Variants in TTC14 observed in about 807,000 individuals in gnomAD.
TTC14 encodes tetratricopeptide repeat protein 14.
In TTC14, 63 loss-of-function variants were observed where a neutral mutation model predicts 79.9. The ratio of observed to expected loss-of-function variants is 0.79; its 90% CI spans 0.64 to 0.97. The LOEUF (loss-of-function observed/expected upper bound fraction) is 0.97, where lower values mean the gene tolerates loss of function less well. Among genes scored for constraint, TTC14 ranks in the 50% least tolerant of loss-of-function variants. The pLI is 0.00. For missense variants in TTC14, 895 were observed against 894.0 expected (o/e 1.00, Z -0.01); for synonymous variants, 335 against 309.6 (o/e 1.08, Z -0.86).
Position 180,605,746 on chromosome 3 carries a change from A to G in TTC14, c.858-20A>G. 6.4e-7 allele frequency: 1 copy of G among 1,554,126 alleles called. No individual in the cohort carries two copies. The highest frequency in any genetic ancestry group is 1.2e-5 in the South Asian group (1 of 83,546). The stretch of plus-strand genomic sequence containing the variant: ...AAAATATTTGTGGTTTAACTTTTTA[A>G]TTTTTATTTTCTTTAATAGCAAAAA... On this transcript the variant is annotated intron_variant, in intron 6 of 11. Coordinates refer to ENST00000296015, the MANE Select transcript of TTC14 (RefSeq NM_133462.4).
At chr3:180,608,672 G>T (rs989853955) in intron 10 of TTC14, 29 bp from the exon 11 acceptor site, 2 of 1,476,412 alleles carry the variant, frequency 1.4e-6, no homozygotes, top group East Asian at 2.5e-5. Flanking sequence ...TTTAACGTGT[G>T]GTTTTTTTCG....
At chr3:180,613,873 AAAC>A (rs568155683), downstream of TTC14, 29 of 455,428 alleles carry the variant, frequency 6.4e-5, no homozygotes, top group African/African-American at 5.0e-4. Flanking sequence ...TTCTAAAACA[AAAC>A]AAAAAATAAT....
At position 180,604,998 on chromosome 3, in the gene TTC14, G is replaced by A; in HGVS notation, c.848G>A (p.Gly283Asp). 6.2e-7 allele frequency: 1 copy of A among 1,612,216 alleles called. No homozygotes were observed. Among genetic ancestry groups the A allele is most frequent in the South Asian group, 1.1e-5 (1 of 90,922 alleles). The part of the protein sequence containing the change: ...DESNPPSLMR[G>D]LQSKNFSEDD... ...TCTAATCCACCATCTTTAATGAGAG[G>A]CCTACAAAGGTATAGTACATCAGTA... is the stretch of plus-strand genomic sequence containing the variant. Residue 283 changes from glycine (G) to aspartate (D), a missense_variant, in exon 6 of 12, where the codon GGC (glycine) becomes GAC (aspartate). Transcript: ENST00000296015.
Position 180,610,026 on chromosome 3 carries a change from T to C in TTC14, c.1797T>C (p.Asp599=). The C allele has an allele frequency of 6.2e-7, 1 of 1,614,034 alleles. No homozygotes were observed. Among genetic ancestry groups the C allele is most frequent in the Non-Finnish European group, 8.5e-7 (1 of 1,179,948 alleles). The change falls in exon 12 of 12, where the codon GAT becomes GAC. Residue 599 remains aspartate (D), a synonymous_variant. Coordinates refer to ENST00000296015, the MANE Select transcript of TTC14 (RefSeq NM_133462.4). The stretch of plus-strand genomic sequence containing the variant: ...GAGGTAGGTCTGAAGATCCAAGAGA[T>C]TTTTATAACAGCTATAAAACCCAAG... ...DFGGRSEDPR[D]FYNSYKTQAG...
At chr3:180,609,400 T>C in intron 11 of TTC14, 1 of 1,210,116 alleles carries the variant, frequency 8.3e-7, no homozygotes, top group African/African-American at 1.6e-5. Flanking sequence ...GAAAAAAGTC[T>C]GTCTTTCAGA....
At position 180,605,838 on chromosome 3, in the gene TTC14, G is replaced by GC. The variant is rs1207690652; in HGVS notation, c.929+1_929+2insC. On this transcript the variant is annotated splice_donor_variant, in intron 7 of 11. Transcript: ENST00000296015. LOFTEE classifies it high-confidence loss of function. ...AATCCGCATCTTGGGCTTTAAAATG[G>GC]TATGAAGACTGTCTTTCAACAATTG... The GC allele has an allele frequency of 6.3e-7, 1 of 1,577,180 alleles. No homozygotes were observed. Among genetic ancestry groups the GC allele is most frequent in the Admixed American group, 2.1e-5 (1 of 47,660 alleles).
chr3:180,613,943 C>G (rs555757558), downstream of TTC14: 43 of 428,042 alleles, frequency 1.0e-4, no homozygotes, highest in African/African-American at 7.0e-4. Flanking sequence ...AACAACAGTT[C>G]TAAAATAATG....
chr3:180,613,763 A>G (rs149174285), downstream of TTC14: 1 of 428,204 alleles, frequency 2.3e-6, no homozygotes, highest in Non-Finnish European at 4.6e-6. Context: ...TTTAGGTCTT[A>G]TAAATCTCAT....
exon 13 of TTC14, chr3:180,617,463 A>T: frequency 1.5e-6 from 1 of 688,752 alleles, no homozygotes; most frequent in South Asian, 1.6e-5. Context: ...GGGCATTGTT[A>T]TCATAGATGA....
At chr3:180,612,397 T>A (rs904110609), downstream of TTC14, among the ~76,000 whole-genome samples, 1 of 152,194 alleles carries the variant, frequency 6.6e-6, no homozygotes, top group Non-Finnish European at 1.5e-5. Flanking sequence ...ACCCATTTCA[T>A]AATTTATCAT....
In TTC14 at chr3:180,605,111, A is replaced by C. The variant is rs1236010858; in HGVS notation, c.857+104A>C. The stretch of plus-strand genomic sequence containing the variant: ...ATTTTACCATCCTAAGCCACCTAGT[A>C]GCAGGCATATGCCAAAGGTTGAATG... On this transcript the variant is annotated intron_variant, in intron 6 of 11. Coordinates refer to ENST00000296015, the MANE Select transcript of TTC14 (RefSeq NM_133462.4). The C allele has an allele frequency of 6.9e-6, 8 of 1,153,716 alleles. No homozygotes were observed. The Admixed American group carries it at 2.1e-4, about 31-fold the overall frequency. The allele number at this position is 1,153,716 out of a possible 1,614,324, so 71.5% of individuals were successfully genotyped here. A position where few individuals can be genotyped will look rare whatever the true frequency, so the allele number is the denominator to read the frequency against.
In TTC14 at chr3:180,610,966, C is replaced by A; in HGVS notation, c.*424C>A. 1 of 957,154 alleles carries A rather than the reference C, an allele frequency of 1.0e-6. No individual in the cohort carries two copies. Among genetic ancestry groups the A allele is most frequent in the Non-Finnish European group, 1.2e-6 (1 of 804,244 alleles). The allele number at this position is 957,154 out of a possible 1,614,324, so 59.3% of individuals were successfully genotyped here. A position where few individuals can be genotyped will look rare whatever the true frequency, so the allele number is the denominator to read the frequency against. Reference sequence around the variant, plus strand: ...TTTCTGTTAAATTAAAAATCGTCAGCTTTTGAAAGATTATATGTTCGAATG... The same window carrying A: ...TTTCTGTTAAATTAAAAATCGTCAGATTTTGAAAGATTATATGTTCGAATG... On this transcript the variant is annotated 3_prime_UTR_variant, in exon 12 of 12. Transcript: ENST00000296015.
At chr3:180,617,490 A>G in exon 13 of TTC14, 2 of 682,964 alleles carry the variant, frequency 2.9e-6, no homozygotes, top group African/African-American at 1.8e-5. Context: ...CATTCATGTT[A>G]CTGACCCTGA....
At chr3:180,607,247 C>G (rs939976761) in intron 9 of TTC14, among the ~76,000 whole-genome samples, 1 of 152,098 alleles carries the variant, frequency 6.6e-6, no homozygotes, top group Non-Finnish European at 1.5e-5. Context: ...TTTACAGGCT[C>G]ATTGTGATAT....
At chr3:180,614,802 T>C (rs2108402772), downstream of TTC14, 2 of 872,516 alleles carry the variant, frequency 2.3e-6, no homozygotes, top group South Asian at 2.0e-5. Flanking sequence ...ACTATCAGTT[T>C]TTACACTTAC....
At chr3:180,617,514 G>A (rs1257192210) in exon 13 of TTC14, 2 of 662,410 alleles carry the variant, frequency 3.0e-6, no homozygotes, top group Non-Finnish European at 5.5e-6. Flanking sequence ...CCTTCAAGTG[G>A]GACAAGATAT....
At chr3:180,611,312 GA>G (rs1176800078), downstream of TTC14, among the ~76,000 whole-genome samples, 2 of 152,068 alleles carry the variant, frequency 1.3e-5, no homozygotes, top group Admixed American at 6.5e-5. Flanking sequence ...AATCAGAAAA[GA>G]AAAAAATCCT....
downstream of TTC14, chr3:180,613,892 G>T: frequency 2.2e-6 from 1 of 455,016 alleles, no homozygotes; most frequent in Non-Finnish European, 4.4e-6. Flanking sequence ...ATAATCAGGA[G>T]AACTATTCAC....
chr3:180,605,847 C>G lies in TTC14; in HGVS notation c.929+10C>G, dbSNP rs781027528. On this transcript the variant is annotated intron_variant, in intron 7 of 11. Transcript: ENST00000296015. ...CTTGGGCTTTAAAATGGTATGAAGACTGTCTTTCAACAATTGCATTATATC... is the reference window on the plus strand; with the variant it reads ...CTTGGGCTTTAAAATGGTATGAAGAGTGTCTTTCAACAATTGCATTATATC... 6.3e-7 allele frequency: 1 copy of G among 1,575,268 alleles called. No homozygotes were observed. The highest frequency in any genetic ancestry group is 8.6e-7 in the Non-Finnish European group (1 of 1,169,570).
Sources: allele counts gnomAD v4.1 joint callset (sites outside exome capture counted in the v4.1 genomes callset), GRCh38; gene constraint gnomAD v4.1.1; transcripts MANE v1.5; gene names NCBI Gene and HGNC (gene_info 2026-07-23, HGNC 2026-07-21).